SYNE1: variants seen among roughly 807,000 people sequenced by gnomAD.
The protein encoded by SYNE1 is nesprin-1.
Under a neutral mutation model 1,111.0 loss-of-function variants are expected in SYNE1, and 616 were observed. That is an observed-to-expected ratio of 0.55 (90% CI 0.52 to 0.59). SYNE1 has a LOEUF of 0.59. Among genes scored for constraint, SYNE1 ranks in the 20% least tolerant of loss-of-function variants. The pLI is 0.00. For synonymous variants in SYNE1, 3,855 were observed against 3,825.8 expected (o/e 1.01, Z -0.28); for missense variants, 10,006 against 10,417.0 (o/e 0.96, Z 1.72).
chr6:152,133,916 G>A (rs1484869810), intron 142 of SYNE1: 2 of 189,312 alleles, frequency 1.1e-5, no homozygotes, highest in Non-Finnish European at 2.2e-5. Flanking sequence ...GGGGTGATTC[G>A]TCATTCACAG....
chr6:152,614,373 C>G (rs1045818032), intron 3 of SYNE1, among the ~76,000 whole-genome samples: 1 of 152,078 alleles, frequency 6.6e-6, no homozygotes, highest in African/African-American at 2.4e-5. Context: ...CCAACAGACA[C>G]ATGAAAAAAT....
At chr6:152,373,259 T>C (rs1406209348) in intron 58 of SYNE1, 40 bp from the exon 59 acceptor site, 2 of 1,552,458 alleles carry the variant, frequency 1.3e-6, no homozygotes, top group Admixed American at 4.0e-5. Flanking sequence ...ATGAAAATAT[T>C]GTGTGTTGTT....
intron 42 of SYNE1, among the ~76,000 whole-genome samples, chr6:152,412,527 T>C (rs1407098795): frequency 6.6e-6 from 1 of 152,014 alleles, no homozygotes; most frequent in East Asian, 1.9e-4. Flanking sequence ...TGTTTATAAA[T>C]GATTCTAAGA....
At chr6:152,313,033 G>T (rs2095600887) in intron 87 of SYNE1, among the ~76,000 whole-genome samples, 1 of 152,150 alleles carries the variant, frequency 6.6e-6, no homozygotes, top group African/African-American at 2.4e-5. Flanking sequence ...AGCAGGAAAA[G>T]AAATGCATCC....
At chr6:152,371,136 T>C (rs1281658999) in intron 59 of SYNE1, among the ~76,000 whole-genome samples, 1 of 152,110 alleles carries the variant, frequency 6.6e-6, no homozygotes, top group Admixed American at 6.6e-5. Context: ...TAGAGCCTCA[T>C]GGGGCCACTT....
chr6:152,462,677 C>T, intron 20 of SYNE1, 61 bp downstream of exon 20: 1 of 1,604,308 alleles, frequency 6.2e-7, no homozygotes, highest in Non-Finnish European at 8.5e-7. Flanking sequence ...TCTGAATAAA[C>T]TTGCTGATCT....
At chr6:152,445,018 T>C (rs2098566948) in intron 29 of SYNE1, among the ~76,000 whole-genome samples, 1 of 152,248 alleles carries the variant, frequency 6.6e-6, no homozygotes, top group East Asian at 1.9e-4. Context: ...CTTATTCCAT[T>C]ATCATTAAAT....
intron 14 of SYNE1, among the ~76,000 whole-genome samples, chr6:152,477,473 A>G (rs997999126): frequency 6.6e-6 from 1 of 152,190 alleles, no homozygotes; most frequent in Non-Finnish European, 1.5e-5. Flanking sequence ...TTCCAGAAGG[A>G]TGGCAAGGGT....
rs149654300 is a variant in SYNE1, at chr6:152,362,243, T to A, written c.10226A>T (p.Glu3409Val). Residue 3409 changes from glutamate to valine, a missense_variant, in exon 64 of 146, where the codon GAA (glutamate) becomes GTA (valine). Around this residue, in one of 7 missense-constraint regions of SYNE1, gnomAD observed 4,955 missense variants for 5,017.2 expected, o/e 0.99. Transcript: ENST00000367255. ...RQFSGWMDSM[E>V]ANLNESERQH... Reference sequence around the variant, plus strand: ...CCTTTCTGATTCATTCAGGTTGGCTTCCATACTATCCATCCAACCGGAGAA... The same window carrying A: ...CCTTTCTGATTCATTCAGGTTGGCTACCATACTATCCATCCAACCGGAGAA... The A allele has an allele frequency of 1.2e-5, 20 of 1,614,114 alleles. No homozygotes were observed. Among genetic ancestry groups the A allele is most frequent in the Non-Finnish European group, 1.7e-5 (20 of 1,180,048 alleles).
At chr6:152,132,839 A>G (rs1418795652) in intron 143 of SYNE1, among the ~76,000 whole-genome samples, 1 of 151,644 alleles carries the variant, frequency 6.6e-6, no homozygotes, top group Non-Finnish European at 1.5e-5. Flanking sequence ...AAAAAAAAAT[A>G]TAAAAAATTA....
intron 75 of SYNE1, 51 bp from the exon 76 acceptor site, chr6:152,337,068 TG>T: frequency 6.4e-7 from 1 of 1,573,924 alleles, no homozygotes; most frequent in Non-Finnish European, 8.6e-7. Flanking sequence ...GAAACATTTA[TG>T]GTTAATGAAT....
At position 152,354,798 on chromosome 6, in the gene SYNE1, A is replaced by C. The variant is rs770682438; in HGVS notation, c.10787T>G (p.Val3596Gly). Residue 3596 changes from valine to glycine, a missense_variant, in exon 67 of 146, where the codon GTG (valine) becomes GGG (glycine). By Grantham distance (109) the Val-to-Gly change is moderately radical. Coordinates refer to ENST00000367255, the MANE Select transcript of SYNE1 (RefSeq NM_182961.4). ...LSETRTQFNN[V>G]VNKLRLMEQK... ...CTCCATTAGCCTCAATTTGTTCACC[A>C]CGTTATTGAACTGAGTTCGAGTCTC... 7.4e-6 allele frequency: 12 copies of C among 1,614,008 alleles called. No individual in the cohort carries two copies. Among genetic ancestry groups the C allele is most frequent in the Non-Finnish European group, 1.0e-5 (12 of 1,180,040 alleles).
At position 152,329,955 on chromosome 6, in the gene SYNE1, C is replaced by T. The variant is rs751175537; in HGVS notation, c.14730G>A (p.Pro4910=). 1.5e-5 allele frequency: 25 copies of T among 1,613,996 alleles called. No homozygotes were observed. The South Asian group carries it at 1.8e-4, about 11-fold the overall frequency. ...CCTGCAGGTTGAGGTCTAGGTACAC[C>T]GGCCCACTGAGCTCTGCCTTCACTC... ...LRRVKAELSG[P]VYLDLNLQDI... Residue 4910 remains proline (P), a synonymous_variant, in exon 78 of 146, where the codon CCG becomes CCA. Transcript: ENST00000367255.
chr6:152,592,971 G>A (rs2099571234), intron 3 of SYNE1, among the ~76,000 whole-genome samples: 2 of 152,114 alleles, frequency 1.3e-5, no homozygotes, highest in South Asian at 4.1e-4. Context: ...CTCCTGGGGT[G>A]GGCTCTGACC....
intron 3 of SYNE1, among the ~76,000 whole-genome samples, chr6:152,554,864 G>A (rs1020235297): frequency 6.6e-6 from 1 of 152,150 alleles, no homozygotes; most frequent in Non-Finnish European, 1.5e-5. Flanking sequence ...GGCCCCAAAT[G>A]TATTTTCCTT....
At chr6:152,594,497 T>C (rs1207356192) in intron 3 of SYNE1, among the ~76,000 whole-genome samples, 1 of 152,160 alleles carries the variant, frequency 6.6e-6, no homozygotes, top group Non-Finnish European at 1.5e-5. Context: ...CTTTAGGAGG[T>C]ATTCTAAACT....
In SYNE1 at chr6:152,413,489, G is replaced by A. The variant is rs150072383; in HGVS notation, c.6093C>T (p.His2031=). ...FNQLEDELNS[H]EHELCWLKDK... is the part of the protein sequence containing the mutation. ...CTTTCAACCAACATAGTTCATGCTC[G>A]TGAGAATTCAATTCATCTTCTAGCT... The change falls in exon 42 of 146, where the codon CAC becomes CAT. Residue 2031 remains histidine, a synonymous_variant. Coordinates refer to ENST00000367255, the MANE Select transcript of SYNE1 (RefSeq NM_182961.4). 8.2e-5 allele frequency: 132 copies of A among 1,613,958 alleles called. No homozygotes were observed. The highest frequency in any genetic ancestry group is 3.0e-4 in the Admixed American group (18 of 59,996).
intron 55 of SYNE1, among the ~76,000 whole-genome samples, chr6:152,383,047 TGAA>T (rs1324142502): frequency 6.6e-6 from 1 of 152,210 alleles, no homozygotes; most frequent in African/African-American, 2.4e-5. Context: ...GGTATGGTGT[TGAA>T]GGACAGAGGA....
Position 152,330,915 on chromosome 6 carries a change from G to T in SYNE1, c.13770C>A (p.Asn4590Lys). 1.2e-6 allele frequency: 2 copies of T among 1,614,064 alleles called. No individual in the cohort carries two copies. Among genetic ancestry groups the T allele is most frequent in the Non-Finnish European group, 1.7e-6 (2 of 1,179,958 alleles). ...QADIVTFPEI[N>K]LMNESSELHT... ...GAAGCTCAGAACTCTCATTCATTAG[G>T]TTGATTTCAGGAAATGTAACAATAT... is the stretch of plus-strand genomic sequence containing the variant. Residue 4590 changes from asparagine to lysine, a missense_variant, in exon 78 of 146, where the codon AAC becomes AAA. Physicochemically the swap from Asn to Lys is moderately conservative, Grantham distance 94. Coordinates refer to ENST00000367255, the MANE Select transcript of SYNE1 (RefSeq NM_182961.4).
Sources: gnomAD v4.1 joint callset for allele counts (sites outside exome capture counted in the v4.1 genomes callset) on GRCh38, gnomAD v4.1.1 for gene constraint, gnomAD v4.1.1 regional missense constraint, MANE v1.5 for transcripts, NCBI Gene and HGNC (gene_info 2026-07-23, HGNC 2026-07-21) for gene names.